DENND1B: variants seen among roughly 807,000 people sequenced by gnomAD.
DENND1B encodes DENN domain containing 1B, also known as DENN domain-containing protein 1B.
Under a neutral mutation model 90.1 loss-of-function variants are expected in DENND1B, and 59 were observed. That is an observed-to-expected ratio of 0.65 (90% CI 0.53 to 0.81). The LOEUF is 0.81. Ranked by LOEUF, DENND1B falls within the 40% of genes least tolerant of loss-of-function variation. DENND1B has a pLI of 0.00. For missense variants in DENND1B, 862 were observed against 912.6 expected (o/e 0.94, Z 0.71); for synonymous variants, 337 against 324.6 (o/e 1.04, Z -0.41).
chr1:197,617,447 A>C (rs567279765), intron 11 of DENND1B, among the ~76,000 whole-genome samples: 1 of 151,310 alleles, frequency 6.6e-6, no homozygotes, highest in African/African-American at 2.4e-5. Flanking sequence ...AATTCACAAA[A>C]TCTAAAGAAC....
At chr1:197,573,425 A>C (rs1673359873) in intron 15 of DENND1B, among the ~76,000 whole-genome samples, 1 of 152,168 alleles carries the variant, frequency 6.6e-6, no homozygotes, top group Admixed American at 6.5e-5. Flanking sequence ...CTCTGAATAG[A>C]CCAATAACAG....
chr1:197,701,580 A>T (rs1659036934), intron 3 of DENND1B, among the ~76,000 whole-genome samples: 1 of 151,894 alleles, frequency 6.6e-6, no homozygotes, highest in South Asian at 2.1e-4. Context: ...AGAAGATAGA[A>T]GAAGAAAGAA....
intron 20 of DENND1B, among the ~76,000 whole-genome samples, chr1:197,519,368 T>C (rs554834520): frequency 2.6e-5 from 4 of 151,928 alleles, no homozygotes; most frequent in Non-Finnish European, 5.9e-5. Context: ...AAGGATAAAG[T>C]ACTATACTAG....
chr1:197,679,820 T>C (rs1418223438), intron 3 of DENND1B, among the ~76,000 whole-genome samples: 1 of 149,930 alleles, frequency 6.7e-6, no homozygotes, highest in Non-Finnish European at 1.5e-5. Context: ...TTTTTTTTTT[T>C]TTTTTTTTCA....
intron 2 of DENND1B, among the ~76,000 whole-genome samples, chr1:197,733,444 T>C (rs971501205): frequency 2.0e-5 from 3 of 152,228 alleles, no homozygotes; most frequent in Non-Finnish European, 4.4e-5. Flanking sequence ...TATTTTACGG[T>C]CAGAGGTTAA....
rs1294308030 is a variant in DENND1B, at chr1:197,544,705, T to G, written c.1350+1217A>C. 1.7e-4 allele frequency among the ~76,000 whole-genome samples: 21 copies of G among 127,232 alleles called. No individual in the cohort carries two copies. In the East Asian group the frequency reaches 1.8e-3, roughly 11 times the overall value. 83.5% of individuals were successfully genotyped at this position (127,232 alleles called of 152,430 possible). On this transcript the variant is annotated intron_variant, in intron 18 of 22. Transcript: ENST00000620048. The stretch of plus-strand genomic sequence containing the variant: ...AGAAAAGGAAAGAAGAAGATGAAGA[T>G]GAAGAGGAAGAGGAAGAAGAGGAAG...
Position 197,541,466 on chromosome 1 carries a change from G to A in DENND1B, c.1351-451C>T, listed in dbSNP as rs189040515. ...GCAGACACAGAATTTTATTAGCAGA[G>A]CCATCTTAATGGAATGGTATTTCAT... is the stretch of plus-strand genomic sequence containing the variant. On this transcript the variant is annotated intron_variant, in intron 18 of 22. Coordinates refer to ENST00000620048, the MANE Select transcript of DENND1B (RefSeq NM_001195215.2). Among the ~76,000 whole-genome samples, 31 of 152,276 alleles carry A rather than the reference G, an allele frequency of 2.0e-4. No individual in the cohort carries two copies. In the East Asian group the frequency reaches 6.0e-3, roughly 29 times the overall value.
At chr1:197,727,014 A>T (rs1661700834) in intron 2 of DENND1B, among the ~76,000 whole-genome samples, 1 of 152,242 alleles carries the variant, frequency 6.6e-6, no homozygotes, top group Non-Finnish European at 1.5e-5. Flanking sequence ...TTCTGTTTCT[A>T]ATTAAATATG....
At chr1:197,690,234 G>A (rs896918552) in intron 3 of DENND1B, 11 of 278,430 alleles carry the variant, frequency 4.0e-5, no homozygotes, top group Non-Finnish European at 2.9e-5. Context: ...TGGCAATGTT[G>A]CTGGTGACAG....
chr1:197,645,883 A>C (rs1680688105), intron 8 of DENND1B, 140 bp from the exon 9 acceptor site: 1 of 506,102 alleles, frequency 2.0e-6, no homozygotes, highest in African/African-American at 2.0e-5. Flanking sequence ...TGAATTTGAG[A>C]GATTCTTAAA....
At chr1:197,775,511 G>A (rs1657209057), upstream of DENND1B, 1 of 183,900 alleles carries the variant, frequency 5.4e-6, no homozygotes, top group Non-Finnish European at 1.1e-5. Flanking sequence ...GGGGGAAGGG[G>A]CGCGCGGGGA....
chr1:197,653,716 C>A (rs1481550644), intron 6 of DENND1B, among the ~76,000 whole-genome samples: 1 of 151,592 alleles, frequency 6.6e-6, no homozygotes, highest in Non-Finnish European at 1.5e-5. Flanking sequence ...TTTATGTATT[C>A]CAGTATTACT....
At chr1:197,668,656 A>G (rs1277507503) in intron 5 of DENND1B, among the ~76,000 whole-genome samples, 1 of 151,472 alleles carries the variant, frequency 6.6e-6, no homozygotes, top group African/African-American at 2.4e-5. Flanking sequence ...TCAAGTACAT[A>G]TACATTGTGG....
chr1:197,683,121 T>C (rs1213256674), intron 3 of DENND1B, among the ~76,000 whole-genome samples: 1 of 152,110 alleles, frequency 6.6e-6, no homozygotes, highest in Non-Finnish European at 1.5e-5. Flanking sequence ...CCTGGAGTGA[T>C]AGATTAATAC....
At chr1:197,527,385 T>A (rs1571744415) in intron 20 of DENND1B, among the ~76,000 whole-genome samples, 1 of 150,264 alleles carries the variant, frequency 6.7e-6, no homozygotes, top group Non-Finnish European at 1.5e-5. Context: ...CGGGTTCAAG[T>A]GATTCTCCTG....
At chr1:197,550,669 AGG>A (rs34588913) in intron 16 of DENND1B, among the ~76,000 whole-genome samples, 122 of 146,870 alleles carry the variant, frequency 8.3e-4, no homozygotes, top group African/African-American at 2.7e-3. Flanking sequence ...TTGTGGGGTG[AGG>A]GGGGGGGGGA....
intron 18 of DENND1B, among the ~76,000 whole-genome samples, chr1:197,542,047 C>T (rs1017531185): frequency 2.6e-5 from 4 of 152,038 alleles, no homozygotes; most frequent in African/African-American, 4.8e-5. Flanking sequence ...CCTGGAAGGC[C>T]GGATATAGGT....
intron 6 of DENND1B, 136 bp downstream of exon 6, chr1:197,658,164 G>A (rs1298682399): frequency 1.4e-6 from 1 of 723,438 alleles, no homozygotes; most frequent in African/African-American, 1.8e-5. Flanking sequence ...GAAAAAAGAT[G>A]TATGGTATTG....
At chr1:197,696,949 G>T (rs1485529566) in intron 3 of DENND1B, among the ~76,000 whole-genome samples, 1 of 150,926 alleles carries the variant, frequency 6.6e-6, no homozygotes, top group Non-Finnish European at 1.5e-5. Flanking sequence ...AAGAAGCTAC[G>T]GAAGTACAGA....
Sources: gnomAD v4.1 joint callset for allele counts (sites outside exome capture counted in the v4.1 genomes callset) on GRCh38, gnomAD v4.1.1 for gene constraint, MANE v1.5 for transcripts, NCBI Gene and HGNC (gene_info 2026-07-23, HGNC 2026-07-21) for gene names.